Variants in TNKS2 observed in about 807,000 individuals in gnomAD.
The protein encoded by TNKS2 is poly [ADP-ribose] polymerase tankyrase-2.
In TNKS2, 72 loss-of-function variants were observed where a neutral mutation model predicts 137.6. The ratio of observed to expected loss-of-function variants is 0.52; its 90% CI spans 0.43 to 0.64. The LOEUF (loss-of-function observed/expected upper bound fraction) is 0.64, where lower values mean the gene tolerates loss of function less well. TNKS2 is among the 30% of genes least tolerant of loss of function. The pLI, the probability that TNKS2 is intolerant of heterozygous loss-of-function variation, is 0.00. For synonymous variants in TNKS2, 516 were observed against 512.1 expected, an observed-to-expected ratio of 1.01 and a Z score of -0.10; for missense variants, 1,049 against 1,410.2, an observed-to-expected ratio of 0.74 and a Z score of 4.10.
chr10:91,827,107 C>T lies in TNKS2; in HGVS notation c.886C>T (p.Leu296Phe). Residue 296 changes from leucine to phenylalanine, a missense_variant, in exon 8 of 27, where the codon CTC (leucine) becomes TTC (phenylalanine). Physicochemically the swap from Leu to Phe is conservative, Grantham distance 22. Around this residue, in one of 6 missense-constraint regions of TNKS2, gnomAD observed 374 missense variants for 460.8 expected, o/e 0.81. Transcript: ENST00000371627. ...SKNRVEVCSL[L>F]LSYGADPTLL... ...GAACAGGGTTGAAGTATGTTCTCTT[C>T]TCTTAAGTTATGGTGCAGACCCAAC... 2 of 1,612,274 alleles carry T rather than the reference C, an allele frequency of 1.2e-6. No individual in the cohort carries two copies. Among genetic ancestry groups the T allele is most frequent in the Non-Finnish European group, 1.7e-6 (2 of 1,179,134 alleles).
rs1841902575 is a variant in TNKS2, at chr10:91,833,868, A to G, written c.1291A>G (p.Asn431Asp). ...KHEAKVNALD[N>D]LGQTSLHRAA... The stretch of plus-strand genomic sequence containing the variant: ...CTTTGTTAAGGTTAATGCTCTGGAT[A>G]ATCTTGGTCAGACTTCTCTACACAG... Residue 431 changes from asparagine to aspartate, a missense_variant, in exon 12 of 27, where the codon AAT (asparagine) becomes GAT (aspartate). By Grantham distance (23) the Asn-to-Asp change is conservative (BLOSUM62 1). Coordinates refer to ENST00000371627, the MANE Select transcript of TNKS2 (RefSeq NM_025235.4). 4.4e-6 allele frequency: 7 copies of G among 1,596,314 alleles called. No individual in the cohort carries two copies. Among genetic ancestry groups the G allele is most frequent in the Non-Finnish European group, 6.0e-6 (7 of 1,174,886 alleles).
chr10:91,808,459 A>G (rs1197569610), intron 1 of TNKS2, among the ~76,000 whole-genome samples: 1 of 152,136 alleles, frequency 6.6e-6, no homozygotes, highest in Non-Finnish European at 1.5e-5. Flanking sequence ...TTATTCTGAG[A>G]GCATCAGTGG....
intron 7 of TNKS2, among the ~76,000 whole-genome samples, chr10:91,823,341 T>G (rs1844965189): frequency 1.9e-5 from 1 of 53,238 alleles, no homozygotes; most frequent in African/African-American, 9.7e-5. Context: ...TTTTTTTTTT[T>G]TTTTGAGACG....
chr10:91,850,214 A>G (rs1842500725), intron 20 of TNKS2, among the ~76,000 whole-genome samples: 1 of 150,904 alleles, frequency 6.6e-6, no homozygotes, highest in African/African-American at 2.4e-5. Context: ...TAAAAATACA[A>G]AGAAATTAGC....
rs770360733 is a variant in TNKS2, at chr10:91,827,094, A to T, written c.873A>T (p.Glu291Asp). 2.5e-6 allele frequency: 4 copies of T among 1,611,922 alleles called. No homozygotes were observed. In the Admixed American group the frequency reaches 5.0e-5, roughly 20 times the overall value. ...AGGCAGCTTCTAAGAACAGGGTTGA[A>T]GTATGTTCTCTTCTCTTAAGTTATG... is the stretch of plus-strand genomic sequence containing the variant. ...LHEAASKNRV[E>D]VCSLLLSYGA... The change falls in exon 8 of 27, where the codon GAA becomes GAT. Residue 291 changes from glutamate to aspartate, a missense_variant. Glu to Asp is a conservative substitution (Grantham distance 45). This residue lies in a region of TNKS2 where 374 missense variants were observed against 460.8 expected (regional missense o/e 0.81). Transcript: ENST00000371627.
chr10:91,855,223 A>G, intron 22 of TNKS2, 97 bp downstream of exon 22: 3 of 761,750 alleles, frequency 3.9e-6, no homozygotes, highest in Non-Finnish European at 6.6e-6. Context: ...GCATTATATA[A>G]TTTTCACCTA....
intron 16 of TNKS2, 138 bp from the exon 17 acceptor site, chr10:91,844,780 CA>C (rs1163485180): frequency 6.2e-6 from 3 of 482,378 alleles, no homozygotes; most frequent in African/African-American, 2.0e-5. Flanking sequence ...TTTATGTTTT[CA>C]GTAATGTCTA....
chr10:91,804,577 C>T (rs890136493), intron 1 of TNKS2, among the ~76,000 whole-genome samples: 1 of 152,222 alleles, frequency 6.6e-6, no homozygotes, highest in African/African-American at 2.4e-5. Context: ...TACATTGACT[C>T]TGATGATATG....
intron 24 of TNKS2, among the ~76,000 whole-genome samples, chr10:91,858,763 C>G (rs540647988): frequency 6.6e-6 from 1 of 152,206 alleles, no homozygotes; most frequent in Non-Finnish European, 1.5e-5. Flanking sequence ...AATCCCAACA[C>G]TTTGGGAGGC....
rs900974111 is a variant in TNKS2 at position 91,836,952 on chromosome 10, G to A, written c.1481G>A (p.Arg494Lys). The A allele has an allele frequency of 6.2e-7, 1 of 1,613,448 alleles. No individual in the cohort carries two copies. Residue 494 changes from arginine (R) to lysine (K), a missense_variant, in exon 13 of 27, where the codon AGA (arginine) becomes AAA (lysine). Physicochemically the swap from Arg to Lys is conservative, Grantham distance 26 (BLOSUM62 2). Transcript: ENST00000371627. Reference protein sequence around the residue: ...GISLGNSEADRQLLEAAKAGD... With the variant: ...GISLGNSEADKQLLEAAKAGD... ...TCATTAGGTAATTCAGAGGCAGACA[G>A]ACAATTGCTGGAAGCTGCAAAGGCT...
chr10:91,812,938 CTT>C, intron 1 of TNKS2, 43 bp from the exon 2 acceptor site: 1 of 1,599,736 alleles, frequency 6.3e-7, no homozygotes. Flanking sequence ...AATTTGATAT[CTT>C]TTCCTTGTTG....
chr10:91,803,762 A>G (rs908121333), intron 1 of TNKS2, among the ~76,000 whole-genome samples: 2 of 152,192 alleles, frequency 1.3e-5, no homozygotes, highest in African/African-American at 4.8e-5. Context: ...AGACTACAGG[A>G]GCTTTGTTTT....
chr10:91,843,116 C>T (rs1161983060), intron 16 of TNKS2, among the ~76,000 whole-genome samples: 1 of 152,070 alleles, frequency 6.6e-6, no homozygotes, highest in Non-Finnish European at 1.5e-5. Flanking sequence ...AATCTCAAAA[C>T]TCTCAGAAGT....
chr10:91,843,378 T>C (rs865783042), intron 16 of TNKS2, among the ~76,000 whole-genome samples: 6 of 152,188 alleles, frequency 3.9e-5, no homozygotes, highest in Non-Finnish European at 2.9e-5. Flanking sequence ...GTCTCTACTT[T>C]TAAGGAAACC....
chr10:91,839,533 C>T (rs1842145351), intron 13 of TNKS2, among the ~76,000 whole-genome samples: 1 of 151,962 alleles, frequency 6.6e-6, no homozygotes, highest in Admixed American at 6.5e-5. Context: ...CTCAAGTGAT[C>T]TGCCCGCCTC....
At chr10:91,801,449 A>G (rs984288029) in intron 1 of TNKS2, among the ~76,000 whole-genome samples, 1 of 151,540 alleles carries the variant, frequency 6.6e-6, no homozygotes, top group Non-Finnish European at 1.5e-5. Context: ...GCCCCCGACC[A>G]TACGCAGATA....
intron 7 of TNKS2, among the ~76,000 whole-genome samples, chr10:91,826,512 G>A (rs542211962): frequency 2.0e-5 from 3 of 152,244 alleles, no homozygotes; most frequent in East Asian, 1.9e-4. Flanking sequence ...AAGTACATAC[G>A]TTAGAAATTT....
chr10:91,827,004 T>C lies in TNKS2; in HGVS notation c.796-13T>C, dbSNP rs752525931. On this transcript the variant is annotated splice_polypyrimidine_tract_variant and intron_variant, in intron 7 of 26. Transcript: ENST00000371627. ...AAAAATTGAACATTAAATATATGCT[T>C]TTTGCTCTCCAGCATGGTGCCTGTG... 8 of 1,514,892 alleles carry C rather than the reference T, an allele frequency of 5.3e-6. No individual in the cohort carries two copies. The highest frequency in any genetic ancestry group is 6.2e-6 in the Non-Finnish European group (7 of 1,129,896). The allele number at this position is 1,514,892 out of a possible 1,614,324, so 93.8% of individuals were successfully genotyped here.
chr10:91,845,705 T>G (rs1842349830), intron 17 of TNKS2, 47 bp from the exon 18 acceptor site: 1 of 1,365,408 alleles, frequency 7.3e-7, no homozygotes, highest in Non-Finnish European at 9.6e-7. Flanking sequence ...GAAAGTAAAG[T>G]GTGACAAAAT....
Sources: allele counts gnomAD v4.1 joint callset (sites outside exome capture counted in the v4.1 genomes callset), GRCh38; gene constraint gnomAD v4.1.1; regional missense constraint gnomAD v4.1.1; transcripts MANE v1.5; gene names NCBI Gene and HGNC (gene_info 2026-07-23, HGNC 2026-07-21).